TRIM25: variants seen among roughly 807,000 people sequenced by gnomAD.
The protein encoded by TRIM25 is tripartite motif containing 25.
TRIM25 carries 45 observed loss-of-function variants against 65.2 expected under a neutral mutation model. That is an observed-to-expected ratio of 0.69 (90% CI 0.54 to 0.89). The LOEUF (loss-of-function observed/expected upper bound fraction) is 0.89. TRIM25 is among the 40% of genes least tolerant of loss of function. The pLI is 0.00. For missense variants in TRIM25, 714 were observed against 803.7 expected (o/e 0.89, Z 1.35); for synonymous variants, 321 against 340.4 (o/e 0.94, Z 0.63).
rs139336580 is a variant in TRIM25 at position 56,907,977 on chromosome 17, G to C, written c.693+491C>G. Reference sequence around the variant, plus strand: ...CCAGAAACTGTAAGAAGCAAAGAAGGGTTCTCCCCTAGAGACTTCGGGAGT... The same window carrying C: ...CCAGAAACTGTAAGAAGCAAAGAAGCGTTCTCCCCTAGAGACTTCGGGAGT... On this transcript the variant is annotated intron_variant, in intron 2 of 8. Coordinates refer to ENST00000316881, the MANE Select transcript of TRIM25 (RefSeq NM_005082.5). Among the ~76,000 whole-genome samples, 410 of 152,254 alleles carry C rather than the reference G, an allele frequency of 2.7e-3. 1 individual carries two copies. The highest frequency in any genetic ancestry group is 6.3e-3 in the Admixed American group (96 of 15,300).
chr17:56,894,280 G>A lies in TRIM25; in HGVS notation c.1363+1063C>T, dbSNP rs995686083. ...TGTTTGTTTTTTAAGACAGAGTCTCGCTCTGTTGCCCAGACTGGAGTGCAG... is the reference window on the plus strand; with the variant it reads ...TGTTTGTTTTTTAAGACAGAGTCTCACTCTGTTGCCCAGACTGGAGTGCAG... On this transcript the variant is annotated intron_variant, in intron 8 of 8. Coordinates refer to ENST00000316881, the MANE Select transcript of TRIM25 (RefSeq NM_005082.5). Among the ~76,000 whole-genome samples the A allele has an allele frequency of 3.3e-5, 5 of 152,148 alleles. No individual in the cohort carries two copies. The East Asian group carries it at 7.7e-4, about 23-fold the overall frequency.
chr17:56,911,002 C>T (rs558883863), intron 1 of TRIM25, among the ~76,000 whole-genome samples: 5 of 152,344 alleles, frequency 3.3e-5, no homozygotes, highest in South Asian at 2.1e-4. Context: ...TCCTGGCTCA[C>T]GCCTGTAATC....
Position 56,908,514 on chromosome 17 carries a change from G to A in TRIM25, c.647C>T (p.Ala216Val), listed in dbSNP as rs769575690. 8 of 1,613,856 alleles carry A rather than the reference G, an allele frequency of 5.0e-6. No individual in the cohort carries two copies. Among genetic ancestry groups the A allele is most frequent in the African/African-American group, 2.7e-5 (2 of 74,900 alleles). ...TCTCACATCATCCAGTGCTCTCGAC[G>A]CCCCGTTGATCTGACTGTACATGAC... The part of the protein sequence containing the change: ...LTVMYSQING[A>V]SRALDDVRNR... Residue 216 changes from alanine to valine, a missense_variant, in exon 2 of 9, where the codon GCG (alanine) becomes GTG (valine). This residue lies in a region of TRIM25 where 413 missense variants were observed against 498.2 expected (regional missense o/e 0.83). Coordinates refer to ENST00000316881, the MANE Select transcript of TRIM25 (RefSeq NM_005082.5).
In TRIM25 at chr17:56,901,494, G is replaced by A. The variant is rs762662561; in HGVS notation, c.1012C>T (p.His338Tyr). The change falls in exon 4 of 9, where the codon CAC becomes TAC. Residue 338 changes from histidine to tyrosine, a missense_variant. By Grantham distance (83) the His-to-Tyr change is moderately conservative. Transcript: ENST00000316881. ...TTTTTGAGGTCTATGGTGCTCTGGT[G>A]GATGCCTTTTATCAGCTTGTGGTTC... ...ELNHKLIKGI[H>Y]QSTIDLKNEL... 20 of 1,614,158 alleles carry A rather than the reference G, an allele frequency of 1.2e-5. No individual in the cohort carries two copies. The highest frequency in any genetic ancestry group is 3.3e-4 in the Middle Eastern group (2 of 6,060).
rs745773398 is a variant in TRIM25 at position 56,899,070 on chromosome 17, C to G, written c.1153+45G>C. 2.4e-5 allele frequency: 39 copies of G among 1,610,006 alleles called. No homozygotes were observed. In the East Asian group the frequency reaches 8.7e-4, roughly 36 times the overall value. ...GTGACTTGGCCAGAGCCTGGGGAGG[C>G]CACAGCCATGCTGTTGCCATGGAGA... On this transcript the variant is annotated intron_variant, in intron 5 of 8. Transcript: ENST00000316881.
chr17:56,906,652 C>A (rs768584175), intron 2 of TRIM25, among the ~76,000 whole-genome samples: 1 of 152,178 alleles, frequency 6.6e-6, no homozygotes. Context: ...CACCACCACG[C>A]CCGGCTAATT....
Position 56,890,884 on chromosome 17 carries a change from C to T in TRIM25, c.*816G>A, listed in dbSNP as rs1275763138. ...GGGAAGCAAGGCCTCCAGCAAAGCT[C>T]ATGGCTGCCACCAAAGCATCTCTGC... On this transcript the variant is annotated 3_prime_UTR_variant, in exon 9 of 9. Coordinates refer to ENST00000316881, the MANE Select transcript of TRIM25 (RefSeq NM_005082.5). The T allele has an allele frequency of 2.2e-6, 1 of 456,612 alleles. No individual in the cohort carries two copies. The highest frequency in any genetic ancestry group is 4.4e-6 in the Non-Finnish European group (1 of 226,988). The allele number at this position is 456,612 out of a possible 1,614,324, so 28.3% of individuals were successfully genotyped here.
Position 56,895,511 on chromosome 17 carries a change from G to A in TRIM25, c.1264+10C>T, listed in dbSNP as rs1227523810. On this transcript the variant is annotated intron_variant, in intron 7 of 8. Transcript: ENST00000316881. ...GGACACCCCAAAGCTCCTTGCCCATGATAACTTACCCTCCAAGCCAGCTTG... is the reference window on the plus strand; with the variant it reads ...GGACACCCCAAAGCTCCTTGCCCATAATAACTTACCCTCCAAGCCAGCTTG... 1.2e-6 allele frequency: 2 copies of A among 1,613,418 alleles called. No homozygotes were observed. The highest frequency in any genetic ancestry group is 2.7e-5 in the African/African-American group (2 of 74,928).
At chr17:56,892,908 C>T (rs1017534032) in intron 8 of TRIM25, among the ~76,000 whole-genome samples, 4 of 152,204 alleles carry the variant, frequency 2.6e-5, no homozygotes, top group Non-Finnish European at 5.9e-5. Flanking sequence ...AGGGTAAGCA[C>T]ACACTGTAGG....
rs1909663761 is a variant in TRIM25, at chr17:56,913,235, C to T, written c.597+157G>A. On this transcript the variant is annotated intron_variant, in intron 1 of 8. Transcript: ENST00000316881. The surrounding 1 kb of genome is among the most constrained non-coding windows in gnomAD (Gnocchi z 6.1). Reference sequence around the variant, plus strand: ...ATGATGGGAAGGGACTATATAATCTCCCATCCCCTTTCTACTCTGACATTG... The same window carrying T: ...ATGATGGGAAGGGACTATATAATCTTCCATCCCCTTTCTACTCTGACATTG... 3 of 597,050 alleles carry T rather than the reference C, an allele frequency of 5.0e-6. No individual in the cohort carries two copies. In the Admixed American group the frequency reaches 1.0e-4, roughly 21 times the overall value. 37.0% of individuals were successfully genotyped at this position (597,050 alleles called of 1,614,324 possible).
rs757919191 is a variant in TRIM25 at position 56,891,790 on chromosome 17, A to G, written c.1803T>C (p.Tyr601=). 2 of 1,614,132 alleles carry G rather than the reference A, an allele frequency of 1.2e-6. No individual in the cohort carries two copies. Among genetic ancestry groups the G allele is most frequent in the Non-Finnish European group, 1.7e-6 (2 of 1,180,054 alleles). ...FAVADKVHLM[Y]KFRVDFTEAL... ...CCTCAGTAAAGTCCACCCTGAACTT[A>G]TACATCAGGTGGACCTTGTCGGCAA... The change falls in exon 9 of 9, where the codon TAT becomes TAC. Residue 601 remains tyrosine, a synonymous_variant. Coordinates refer to ENST00000316881, the MANE Select transcript of TRIM25 (RefSeq NM_005082.5).
chr17:56,909,519 T>C (rs1369800588), intron 1 of TRIM25, among the ~76,000 whole-genome samples: 3 of 152,052 alleles, frequency 2.0e-5, no homozygotes, highest in Non-Finnish European at 4.4e-5. Flanking sequence ...ACCCTGTCTC[T>C]ACTAAAAATA....
chr17:56,907,075 C>T (rs775868384), intron 2 of TRIM25, among the ~76,000 whole-genome samples: 7 of 152,186 alleles, frequency 4.6e-5, no homozygotes, highest in Non-Finnish European at 7.3e-5. Context: ...CCCTTTGTCA[C>T]AGGCTAGAAC....
At chr17:56,904,614 T>G in intron 2 of TRIM25, 126 bp from the exon 3 acceptor site, 1 of 824,170 alleles carries the variant, frequency 1.2e-6, no homozygotes, top group Non-Finnish European at 1.9e-6. Context: ...AACAAACCAC[T>G]GTGGGGAGCA....
chr17:56,909,240 G>C (rs972622718), intron 1 of TRIM25, among the ~76,000 whole-genome samples: 1 of 152,066 alleles, frequency 6.6e-6, no homozygotes, highest in Non-Finnish European at 1.5e-5. Context: ...GGGGCCCAGA[G>C]AGATAAGCCT....
Position 56,901,532 on chromosome 17 carries a change from G to C in TRIM25, c.974C>G (p.Pro325Arg). 6 of 1,614,104 alleles carry C rather than the reference G, an allele frequency of 3.7e-6. No homozygotes were observed. The highest frequency in any genetic ancestry group is 5.1e-6 in the Non-Finnish European group (6 of 1,180,030). Residue 325 changes from proline (P) to arginine (R), a missense_variant, in exon 4 of 9, where the codon CCC (proline) becomes CGC (arginine). Pro to Arg is a moderately radical substitution (Grantham distance 103). Around this residue, in one of 3 missense-constraint regions of TRIM25, gnomAD observed 413 missense variants for 498.2 expected, o/e 0.83. Coordinates refer to ENST00000316881, the MANE Select transcript of TRIM25 (RefSeq NM_005082.5). The stretch of plus-strand genomic sequence containing the variant: ...CAGCTTGTGGTTCAGTTCCACCTCG[G>C]GGATGTAGACTGGCTTTGTTGAGAT... ...RGISTKPVYI[P>R]EVELNHKLIK...
chr17:56,912,813 T>G (rs183156893), intron 1 of TRIM25: 1 of 152,258 alleles, frequency 6.6e-6, no homozygotes, highest in Non-Finnish European at 1.5e-5. Context: ...CCAACGTTCA[T>G]AGTTGACATT....
Position 56,913,515 on chromosome 17 carries a change from G to A in TRIM25, c.474C>T (p.Ser158=), listed in dbSNP as rs370977107. The A allele has an allele frequency of 3.1e-6, 5 of 1,613,822 alleles. No homozygotes were observed. The highest frequency in any genetic ancestry group is 4.2e-6 in the Non-Finnish European group (5 of 1,179,852). ...AAAATTCCCGCAGCCGATTGTGCTG[G>A]GAACATTTGCGGCGCAACAGGTCGC... ...PVRDLLRRKC[S]QHNRLREFFC... is the part of the protein sequence containing the mutation. The change falls in exon 1 of 9, where the codon TCC becomes TCT. Residue 158 remains serine, a synonymous_variant. Transcript: ENST00000316881. The surrounding 1 kb of genome is among the most constrained non-coding windows in gnomAD (Gnocchi z 6.1).
At chr17:56,910,371 T>C (rs1488695636) in intron 1 of TRIM25, among the ~76,000 whole-genome samples, 1 of 152,174 alleles carries the variant, frequency 6.6e-6, no homozygotes, top group Non-Finnish European at 1.5e-5. Flanking sequence ...CTGCTCATGA[T>C]GTTTCAAACT....
Sources: allele counts gnomAD v4.1 joint callset (sites outside exome capture counted in the v4.1 genomes callset), GRCh38; gene constraint gnomAD v4.1.1; regional missense constraint gnomAD v4.1.1; non-coding constraint Gnocchi (gnomAD v3.1); transcripts MANE v1.5; gene names NCBI Gene and HGNC (gene_info 2026-07-23, HGNC 2026-07-21).